DNAH6: variants seen among roughly 807,000 people sequenced by gnomAD.
DNAH6 encodes dynein axonemal heavy chain 6, also known as axonemal beta dynein heavy chain 6.
A neutral mutation model predicts 491.4 loss-of-function variants in DNAH6; 340 were observed. The observed-to-expected ratio is 0.69, with a 90% CI of 0.63 to 0.76. The LOEUF is 0.76. Ranked by LOEUF, DNAH6 falls within the 30% of genes least tolerant of loss-of-function variation. The pLI is 0.00. For synonymous variants in DNAH6, 1,603 were observed against 1,686.1 expected, an observed-to-expected ratio of 0.95 and a Z score of 1.21; for missense variants, 4,443 against 4,972.2, an observed-to-expected ratio of 0.89 and a Z score of 3.20.
the DNAH6 span, among the ~76,000 whole-genome samples, chr2:84,504,702 C>A: frequency 6.6e-6 from 1 of 152,138 alleles, no homozygotes; most frequent in East Asian, 1.9e-4. Flanking sequence ...CAGAAGAATT[C>A]TATTATATTC....
intron 63 of DNAH6, among the ~76,000 whole-genome samples, chr2:84,760,756 T>A (rs114798929): frequency 0.013 from 1,906 of 152,110 alleles, 40 homozygotes; most frequent in African/African-American, 0.042. Context: ...TTTAAAAAAA[T>A]TTTTTTTGAG....
Position 84,694,331 on chromosome 2 carries a change from C to T in DNAH6, c.7375C>T (p.Leu2459Phe), listed in dbSNP as rs2104794063. ...CACAGGAAAGCAGTCACTCACGAGACTTGCAGCTCATATATGCGGTTACAA... is the reference window on the plus strand; with the variant it reads ...CACAGGAAAGCAGTCACTCACGAGATTTGCAGCTCATATATGCGGTTACAA... ...GGTGKQSLTR[L>F]AAHICGYKCL... The change falls in exon 46 of 77, where the codon CTT becomes TTT. Residue 2459 changes from leucine to phenylalanine, a missense_variant. Transcript: ENST00000389394. 1.3e-6 allele frequency: 2 copies of T among 1,552,402 alleles called. No homozygotes were observed. Among genetic ancestry groups the T allele is most frequent in the Middle Eastern group, 1.7e-4 (1 of 5,996 alleles).
intron 64 of DNAH6, among the ~76,000 whole-genome samples, chr2:84,776,653 A>G (rs1199619068): frequency 6.6e-6 from 1 of 152,224 alleles, no homozygotes; most frequent in Non-Finnish European, 1.5e-5. Flanking sequence ...CCAACAGTGT[A>G]AAAGTGTTCC....
At chr2:84,737,625 A>G (rs1238729465) in intron 62 of DNAH6, among the ~76,000 whole-genome samples, 2 of 151,976 alleles carry the variant, frequency 1.3e-5, no homozygotes, top group South Asian at 2.1e-4. Context: ...AGAGATGCTC[A>G]TCATAATACC....
the DNAH6 span, among the ~76,000 whole-genome samples, chr2:84,479,558 G>C: frequency 2.0e-5 from 3 of 152,220 alleles, no homozygotes; most frequent in Admixed American, 2.0e-4. Flanking sequence ...AGTGATTCAT[G>C]TTGAAATTTC....
At chr2:84,694,102 G>T in intron 45 of DNAH6, 147 bp from the exon 46 acceptor site, 1 of 651,470 alleles carries the variant, frequency 1.5e-6, no homozygotes. Flanking sequence ...CCAAACCCTG[G>T]CCTCAGATGC....
chr2:84,736,779 G>C (rs927046883), intron 62 of DNAH6, among the ~76,000 whole-genome samples: 1 of 151,944 alleles, frequency 6.6e-6, no homozygotes, highest in Non-Finnish European at 1.5e-5. Context: ...TGTTAGTGAA[G>C]AGAGATCATT....
At chr2:84,475,225 G>A in the DNAH6 span, among the ~76,000 whole-genome samples, 1 of 152,224 alleles carries the variant, frequency 6.6e-6, no homozygotes, top group African/African-American at 2.4e-5. Context: ...GAAGTAGGGA[G>A]ACAGGAATTG....
Position 84,624,967 on chromosome 2 carries a change from T to A in DNAH6, c.4419T>A (p.Pro1473=). Residue 1473 remains proline (P), a synonymous_variant, in exon 29 of 77, where the codon CCT becomes CCA. Transcript: ENST00000389394. ...QLDLGGAPAG[P]AGTGKTETTK... is the part of the protein sequence containing the mutation. ...ACCTTGGGGGTGCACCAGCTGGTCC[T>A]GCTGGCACTGGGAAAACAGAGACTA... 1 of 1,551,698 alleles carries A rather than the reference T, an allele frequency of 6.4e-7. No homozygotes were observed. The highest frequency in any genetic ancestry group is 1.2e-5 in the South Asian group (1 of 84,050).
intron 63 of DNAH6, among the ~76,000 whole-genome samples, chr2:84,752,238 G>A (rs993450995): frequency 3.9e-5 from 6 of 152,180 alleles, no homozygotes; most frequent in Non-Finnish European, 7.4e-5. Context: ...AGTCCTTATT[G>A]TTAATTCTGC....
intron 1 of DNAH6, 26 bp from the exon 2 acceptor site, chr2:84,517,793 T>C (rs1252245157): frequency 1.3e-6 from 2 of 1,518,570 alleles, no homozygotes; most frequent in Admixed American, 2.0e-5. Flanking sequence ...CTTTTCATTT[T>C]CTTTTTCCTC....
intron 63 of DNAH6, among the ~76,000 whole-genome samples, chr2:84,761,363 C>A (rs1674564779): frequency 1.3e-5 from 2 of 151,940 alleles, no homozygotes; most frequent in Non-Finnish European, 2.9e-5. Flanking sequence ...AAAAAAATTA[C>A]TTAATGAGCA....
At chr2:84,685,571 A>G (rs1694184859) in intron 43 of DNAH6, 99 bp downstream of exon 43, 1 of 660,096 alleles carries the variant, frequency 1.5e-6, no homozygotes, top group South Asian at 5.4e-5. Flanking sequence ...TTCATAATTT[A>G]TGAGTAAAAG....
At position 84,593,977 on chromosome 2, in the gene DNAH6, A is replaced by G. The variant is rs1305633310; in HGVS notation, c.2616A>G (p.Glu872=). The change falls in exon 17 of 77, where the codon GAA becomes GAG. Residue 872 remains glutamate, a synonymous_variant. Coordinates refer to ENST00000389394, the MANE Select transcript of DNAH6 (RefSeq NM_001370.2). ...YKSYQKNFKV[E]VSKFEALEEV... The stretch of plus-strand genomic sequence containing the variant: ...TGTTTACTACATTTTTAAAGGTAGA[A>G]GTGTCCAAGTTTGAAGCTTTGGAAG... 6.5e-7 allele frequency: 1 copy of G among 1,540,468 alleles called. No homozygotes were observed. Among genetic ancestry groups the G allele is most frequent in the African/African-American group, 1.4e-5 (1 of 72,746 alleles).
intron 31 of DNAH6, among the ~76,000 whole-genome samples, chr2:84,638,961 T>C (rs1168929197): frequency 6.6e-6 from 1 of 152,072 alleles, no homozygotes; most frequent in Admixed American, 6.5e-5. Context: ...CAGTTACTAT[T>C]GCAAAGCAGC....
intron 15 of DNAH6, 58 bp downstream of exon 15, chr2:84,584,308 G>T: frequency 6.6e-7 from 1 of 1,512,396 alleles, no homozygotes; most frequent in Non-Finnish European, 9.0e-7. Flanking sequence ...TATTACATTT[G>T]TTTATTAAAG....
rs1687747616 is a variant in DNAH6 at position 84,625,193 on chromosome 2, G to C, written c.4515+130G>C. On this transcript the variant is annotated intron_variant, in intron 29 of 76. Coordinates refer to ENST00000389394, the MANE Select transcript of DNAH6 (RefSeq NM_001370.2). ...AGAGAAAAGAAATGGGGTAAATAAT[G>C]GTTAAAGTGGAATAAATAGAGCAAG... The C allele has an allele frequency of 4.6e-6, 4 of 868,202 alleles. No homozygotes were observed. The East Asian group carries it at 1.2e-4, about 26-fold the overall frequency. 53.8% of individuals were successfully genotyped at this position (868,202 alleles called of 1,614,324 possible).
At chr2:84,757,508 A>G (rs1194338542) in intron 63 of DNAH6, among the ~76,000 whole-genome samples, 1 of 152,236 alleles carries the variant, frequency 6.6e-6, no homozygotes, top group African/African-American at 2.4e-5. Context: ...GCATGTTCAT[A>G]AGGAAACACT....
chr2:84,467,566 G>C, the DNAH6 span, among the ~76,000 whole-genome samples: 1 of 152,126 alleles, frequency 6.6e-6, no homozygotes, highest in African/African-American at 2.4e-5. Flanking sequence ...TAGAGTGAGA[G>C]TCATAGTGGC....
Sources: gnomAD v4.1 joint callset for allele counts (sites outside exome capture counted in the v4.1 genomes callset) on GRCh38, gnomAD v4.1.1 for gene constraint, MANE v1.5 for transcripts, NCBI Gene and HGNC (gene_info 2026-07-23, HGNC 2026-07-21) for gene names.